CLCNKA: variants seen among roughly 807,000 people sequenced by gnomAD.
The protein encoded by CLCNKA is chloride channel protein ClC-Ka.
Under a neutral mutation model 83.3 loss-of-function variants are expected in CLCNKA, and 66 were observed. That is an observed-to-expected ratio of 0.79 (90% CI 0.65 to 0.97). CLCNKA has a LOEUF of 0.97. CLCNKA is among the 50% of genes least tolerant of loss of function. The probability of loss-of-function intolerance (pLI) is 0.00; values close to 1 mark genes in which losing one functional copy is unlikely to be tolerated. For synonymous variants in CLCNKA, 357 were observed against 370.4 expected (o/e 0.96, Z 0.42); for missense variants, 806 against 888.7 (o/e 0.91, Z 1.18).
chr1:16,029,887 C>T, intron 13 of CLCNKA, 78 bp from the exon 14 acceptor site: 1 of 1,602,876 alleles, frequency 6.2e-7, no homozygotes, highest in South Asian at 1.1e-5. Context: ...CCGGGTGGTA[C>T]TAAGGATGGT....
At position 16,022,598 on chromosome 1, in the gene CLCNKA, C is replaced by T. The variant is rs1216555459; in HGVS notation, c.-7-15C>T. 1.2e-5 allele frequency: 18 copies of T among 1,542,652 alleles called. No homozygotes were observed. The highest frequency in any genetic ancestry group is 8.8e-6 in the Non-Finnish European group (10 of 1,140,346). ...AGCAGCTCACCCGGGTCCTTCCCTC[C>T]ATCTGCTTCTCCAGGGGCCTGATGG... is the stretch of plus-strand genomic sequence containing the variant. On this transcript the variant is annotated splice_polypyrimidine_tract_variant and intron_variant, in intron 1 of 19. Transcript: ENST00000331433.
At chr1:16,030,266 C>A (rs1425292764) in intron 14 of CLCNKA, among the ~76,000 whole-genome samples, 191 bp downstream of exon 14, 1 of 152,180 alleles carries the variant, frequency 6.6e-6, no homozygotes, top group Non-Finnish European at 1.5e-5. Flanking sequence ...TGGCTCCTGT[C>A]CCCAGCCCTG....
chr1:16,029,905 G>C, intron 13 of CLCNKA, 60 bp from the exon 14 acceptor site: 1 of 1,599,696 alleles, frequency 6.3e-7, no homozygotes, highest in South Asian at 1.1e-5. Context: ...GGTCCTCAGG[G>C]ATGGAGGGCT....
rs2022583354 is a variant in CLCNKA at position 16,030,561 on chromosome 1, G to C, written c.1509G>C (p.Met503Ile). The C allele has an allele frequency of 6.2e-7, 1 of 1,612,964 alleles. No individual in the cohort carries two copies. Among genetic ancestry groups the C allele is most frequent in the Non-Finnish European group, 8.5e-7 (1 of 1,180,040 alleles). ...TAGTGCATGCACTGCCCGTGCTGATGGCGGTGCTGGCAGCCAACGCCATTG... is the reference window on the plus strand; with the variant it reads ...TAGTGCATGCACTGCCCGTGCTGATCGCGGTGCTGGCAGCCAACGCCATTG... Reference protein sequence around the residue: ...GQIVHALPVLMAVLAANAIAQ... With the variant: ...GQIVHALPVLIAVLAANAIAQ... The change falls in exon 15 of 20, where the codon ATG becomes ATC. Residue 503 changes from methionine (M) to isoleucine (I), a missense_variant. Transcript: ENST00000331433.
rs143253425 is a variant in CLCNKA, at chr1:16,028,797, C to A, written c.1005C>A (p.Leu335=). 1.2e-6 allele frequency: 2 copies of A among 1,614,154 alleles called. No individual in the cohort carries two copies. The highest frequency in any genetic ancestry group is 1.7e-5 in the Admixed American group (1 of 60,024). The change falls in exon 11 of 20, where the codon CTC becomes CTA. Residue 335 remains leucine (L), a synonymous_variant. Coordinates refer to ENST00000331433, the MANE Select transcript of CLCNKA (RefSeq NM_004070.4). ...ACTCCGCTCTGGCCACCTTGCTTCT[C>A]GCCTCCATCACCTACCCGCCTGGTG... ...PVYSALATLL[L]ASITYPPGVG...
At chr1:16,026,822 C>T in intron 7 of CLCNKA, 47 bp downstream of exon 7, 1 of 1,606,344 alleles carries the variant, frequency 6.2e-7, no homozygotes, top group Non-Finnish European at 8.5e-7. Flanking sequence ...CAAGCTCCTC[C>T]CCTCACACCC....
At chr1:16,027,533 C>T in intron 8 of CLCNKA, 98 bp downstream of exon 8, 1 of 1,554,458 alleles carries the variant, frequency 6.4e-7, no homozygotes. Context: ...CTTCCCTTCC[C>T]TCTCTCTCCC....
chr1:16,025,525 C>T (rs1046885863), intron 4 of CLCNKA, among the ~76,000 whole-genome samples: 19 of 152,072 alleles, frequency 1.2e-4, no homozygotes, highest in African/African-American at 4.6e-4. Context: ...ACAACCACCA[C>T]AACAAAAAGT....
intron 18 of CLCNKA, among the ~76,000 whole-genome samples, chr1:16,032,797 C>T (rs1453057660): frequency 1.3e-5 from 2 of 152,226 alleles, no homozygotes; most frequent in African/African-American, 2.4e-5. Flanking sequence ...GGCACACGTG[C>T]GTTTCAATTT....
intron 1 of CLCNKA, 44 bp from the exon 2 acceptor site, chr1:16,022,569 G>A (rs544210991): frequency 1.6e-5 from 23 of 1,438,604 alleles, no homozygotes; most frequent in Admixed American, 6.2e-5. Flanking sequence ...GCGCGAGGAC[G>A]TGCAGCAGCT....
chr1:16,024,126 G>A (rs1329370687), intron 3 of CLCNKA, among the ~76,000 whole-genome samples, 198 bp downstream of exon 3: 1 of 152,230 alleles, frequency 6.6e-6, no homozygotes, highest in East Asian at 1.9e-4. Context: ...AGCCGCACAA[G>A]GAAGAGAGAC....
In CLCNKA at chr1:16,029,948, C is replaced by G; in HGVS notation, c.1298-17C>G. 1 of 1,606,616 alleles carries G rather than the reference C, an allele frequency of 6.2e-7. No homozygotes were observed. Among genetic ancestry groups the G allele is most frequent in the Non-Finnish European group, 8.5e-7 (1 of 1,173,384 alleles). On this transcript the variant is annotated splice_polypyrimidine_tract_variant and intron_variant, in intron 13 of 19. Coordinates refer to ENST00000331433, the MANE Select transcript of CLCNKA (RefSeq NM_004070.4). ...CCGGGTCAGCCTGGCTCCCCCTCACCCTAAGTCTGTGGCCAGGAGCTGCCA... is the reference window on the plus strand; with the variant it reads ...CCGGGTCAGCCTGGCTCCCCCTCACGCTAAGTCTGTGGCCAGGAGCTGCCA...
chr1:16,026,815 G>A, intron 7 of CLCNKA, 40 bp downstream of exon 7: 3 of 1,610,934 alleles, frequency 1.9e-6, no homozygotes, highest in Non-Finnish European at 1.7e-6. Flanking sequence ...GGTCCCTCAA[G>A]CTCCTCCCCT....
chr1:16,028,493 C>G (rs2022475335), intron 10 of CLCNKA: 2 of 644,304 alleles, frequency 3.1e-6, no homozygotes, highest in African/African-American at 3.5e-5. Flanking sequence ...TCTCCTCCCT[C>G]CTAGCCTGCC....
chr1:16,028,665 G>T lies in CLCNKA; in HGVS notation c.969-96G>T, dbSNP rs543085502. 137 of 1,451,038 alleles carry T rather than the reference G, an allele frequency of 9.4e-5. No individual in the cohort carries two copies. The African/African-American group carries it at 1.6e-3, about 17-fold the overall frequency. The allele number at this position is 1,451,038 out of a possible 1,614,324, so 89.9% of individuals were successfully genotyped here. A position where few individuals can be genotyped will look rare whatever the true frequency, so the allele number is the denominator to read the frequency against. ...CTTGCCTCGGTATCAGCCCCCAGGT[G>T]GGGAGCTCTGCTGCTGCCTGGACCA... On this transcript the variant is annotated intron_variant, in intron 10 of 19. Coordinates refer to ENST00000331433, the MANE Select transcript of CLCNKA (RefSeq NM_004070.4).
intron 3 of CLCNKA, 26 bp downstream of exon 3, chr1:16,023,954 T>C (rs1320288922): frequency 6.2e-7 from 1 of 1,613,334 alleles, no homozygotes; most frequent in East Asian, 2.2e-5. Context: ...CAGGTGCTGC[T>C]CTGGGCCAAG....
At chr1:16,026,670 T>A (rs761375883) in intron 6 of CLCNKA, 27 bp from the exon 7 acceptor site, 1 of 1,613,410 alleles carries the variant, frequency 6.2e-7, no homozygotes, top group African/African-American at 1.3e-5. Flanking sequence ...GGGGGCTGAC[T>A]CTGAGCCCTG....
intron 13 of CLCNKA, 67 bp downstream of exon 13, chr1:16,029,867 C>G: frequency 6.2e-7 from 1 of 1,607,436 alleles, no homozygotes; most frequent in Non-Finnish European, 8.5e-7. Flanking sequence ...CATCCTGGTT[C>G]ACCCTCTTCC....
chr1:16,028,866 G>T (rs376284926), intron 11 of CLCNKA, 21 bp downstream of exon 11: 1 of 1,612,160 alleles, frequency 6.2e-7, no homozygotes, highest in Non-Finnish European at 8.5e-7. Flanking sequence ...CTGAGCGGGG[G>T]TGGCAGGAGT....
Sources: allele counts gnomAD v4.1 joint callset (sites outside exome capture counted in the v4.1 genomes callset), GRCh38; gene constraint gnomAD v4.1.1; transcripts MANE v1.5; gene names NCBI Gene and HGNC (gene_info 2026-07-23, HGNC 2026-07-21).